Variants in GRIN2B observed in about 807,000 individuals in gnomAD.
GRIN2B encodes glutamate ionotropic receptor NMDA type subunit 2B.
In GRIN2B, 5 loss-of-function variants were observed where a neutral mutation model predicts 114.5. The ratio of observed to expected loss-of-function variants is 0.04; its 90% CI spans 0.02 to 0.09. The LOEUF (loss-of-function observed/expected upper bound fraction) is 0.09. Among genes scored for constraint, GRIN2B ranks in the 10% least tolerant of loss-of-function variants. The pLI is 1.00. For synonymous variants in GRIN2B, 787 were observed against 745.1 expected, an observed-to-expected ratio of 1.06 and a Z score of -0.92; for missense variants, 1,108 against 1,943.5, an observed-to-expected ratio of 0.57 and a Z score of 8.08.
At chr12:13,707,931 C>T (rs1483356418) in intron 4 of GRIN2B, among the ~76,000 whole-genome samples, 4 of 152,020 alleles carry the variant, frequency 2.6e-5, no homozygotes, top group Non-Finnish European at 4.4e-5. Context: ...AGGTCTCCCA[C>T]AGAGCTCTTG....
In GRIN2B at chr12:13,866,069, T is replaced by C. The variant is rs199526748; in HGVS notation, c.140A>G (p.Glu47Gly). Residue 47 changes from glutamate (E) to glycine (G), a missense_variant, in exon 3 of 14, where the codon GAG becomes GGG. Physicochemically the swap from Glu to Gly is moderately conservative, Grantham distance 98 (BLOSUM62 -2). Transcript: ENST00000609686. ...CTCGTGGGCATCCTTGATGGCCACC[T>C]CGTCGGAAGTGCCCACGAGGATGAC... ...IAVILVGTSD[E>G]VAIKDAHEKD... 121 of 1,613,960 alleles carry C rather than the reference T, an allele frequency of 7.5e-5. No homozygotes were observed. The highest frequency in any genetic ancestry group is 1.0e-4 in the Non-Finnish European group (121 of 1,180,000).
chr12:13,618,354 T>A (rs1488188874), intron 5 of GRIN2B, among the ~76,000 whole-genome samples: 1 of 152,208 alleles, frequency 6.6e-6, no homozygotes. Context: ...TTCAATAATG[T>A]GTAAAAAGTT....
intron 5 of GRIN2B, among the ~76,000 whole-genome samples, chr12:13,619,499 T>C (rs1368969055): frequency 2.0e-5 from 3 of 152,310 alleles, no homozygotes; most frequent in Middle Eastern, 3.4e-3. Flanking sequence ...ATCATTCTCA[T>C]TTCCCCAACA....
At position 13,633,354 on chromosome 12, in the gene GRIN2B, G is replaced by C. The variant is rs113530023; in HGVS notation, c.1126-16697C>G. ...CTGGTTTTAACAAAGCCTCACGCAT[G>C]CTAATGTTTGAGAACTGCTGGTTTA... On this transcript the variant is annotated intron_variant, in intron 5 of 13. Coordinates refer to ENST00000609686, the MANE Select transcript of GRIN2B (RefSeq NM_000834.5). Among the ~76,000 whole-genome samples, 893 of 152,308 alleles carry C rather than the reference G, an allele frequency of 5.9e-3. 8 individuals are homozygous for C. Among genetic ancestry groups the C allele is most frequent in the African/African-American group, 0.02 (849 of 41,564 alleles).
At chr12:13,658,148 G>T (rs558392344) in intron 5 of GRIN2B, among the ~76,000 whole-genome samples, 8 of 151,580 alleles carry the variant, frequency 5.3e-5, no homozygotes, top group Non-Finnish European at 1.2e-4. Context: ...CTGAGGTTGC[G>T]GTGAGCCGAG....
intron 4 of GRIN2B, among the ~76,000 whole-genome samples, chr12:13,739,543 G>A (rs1202845597): frequency 1.3e-5 from 2 of 152,080 alleles, no homozygotes; most frequent in Non-Finnish European, 2.9e-5. Flanking sequence ...TTGGGGTAAT[G>A]CTGGTCTCTC....
intron 10 of GRIN2B, among the ~76,000 whole-genome samples, chr12:13,575,893 A>C (rs926613197): frequency 3.3e-5 from 5 of 152,166 alleles, no homozygotes; most frequent in Admixed American, 1.3e-4. Context: ...TAAAAAAAAT[A>C]CTTAATACCT....
chr12:13,814,284 C>T (rs893205339), intron 3 of GRIN2B, among the ~76,000 whole-genome samples: 7 of 152,260 alleles, frequency 4.6e-5, no homozygotes, highest in Admixed American at 1.3e-4. Context: ...AGAGGGACCA[C>T]GAAGAGAGCG....
intron 4 of GRIN2B, among the ~76,000 whole-genome samples, chr12:13,684,759 A>G (rs1395249085): frequency 6.6e-6 from 1 of 152,208 alleles, no homozygotes; most frequent in Non-Finnish European, 1.5e-5. Flanking sequence ...AATGCAGCCC[A>G]GAGTAGGTAG....
chr12:13,787,332 G>A (rs1197572085), intron 3 of GRIN2B, among the ~76,000 whole-genome samples: 3 of 152,196 alleles, frequency 2.0e-5, no homozygotes, highest in South Asian at 2.1e-4. Context: ...TATAGTCTAG[G>A]AGACAGAAAG....
chr12:13,621,607 G>GTTTTTTTTT (rs759603737), intron 5 of GRIN2B, among the ~76,000 whole-genome samples: 3 of 27,688 alleles, frequency 1.1e-4, no homozygotes, highest in African/African-American at 4.1e-4. Flanking sequence ...AAATTGCCTA[G>GTTTTTTTTT]TTTTTGTTTT....
At chr12:13,891,243 G>A (rs1253504957) in intron 2 of GRIN2B, among the ~76,000 whole-genome samples, 2 of 152,132 alleles carry the variant, frequency 1.3e-5, no homozygotes, top group African/African-American at 2.4e-5. Flanking sequence ...TTTCTGCCAA[G>A]ACTCTGGCAT....
intron 4 of GRIN2B, among the ~76,000 whole-genome samples, chr12:13,722,464 T>A (rs1455345364): frequency 1.3e-5 from 2 of 152,122 alleles, no homozygotes; most frequent in African/African-American, 4.8e-5. Context: ...GAAGCAGGGA[T>A]TCTTCATCCA....
intron 3 of GRIN2B, among the ~76,000 whole-genome samples, chr12:13,767,997 T>G (rs757965371): frequency 1.3e-5 from 2 of 152,218 alleles, no homozygotes; most frequent in Non-Finnish European, 2.9e-5. Flanking sequence ...TCTCTGTTCC[T>G]TCACAGAAAG....
intron 3 of GRIN2B, among the ~76,000 whole-genome samples, chr12:13,787,458 A>AC (rs1440811566): frequency 6.6e-6 from 1 of 152,072 alleles, no homozygotes; most frequent in Non-Finnish European, 1.5e-5. Context: ...AGGTGACTTA[A>AC]CCCCCAGCGC....
At chr12:13,850,595 C>CT (rs1865544304) in intron 3 of GRIN2B, among the ~76,000 whole-genome samples, 1 of 152,154 alleles carries the variant, frequency 6.6e-6, no homozygotes, top group African/African-American at 2.4e-5. Context: ...TCATCCCACT[C>CT]TTGTCTCTCC....
At chr12:13,607,377 T>TATATAATATATAATATATAAA (rs1555110466) in intron 10 of GRIN2B, among the ~76,000 whole-genome samples, 1 of 26,222 alleles carries the variant, frequency 3.8e-5, no homozygotes, top group Non-Finnish European at 6.8e-5. Context: ...TTATATATTA[T>TATATAATATATAATATATAAA]ATATATAATA....
chr12:13,720,691 T>C (rs1950500147), intron 4 of GRIN2B, among the ~76,000 whole-genome samples: 1 of 151,992 alleles, frequency 6.6e-6, no homozygotes, highest in African/African-American at 2.4e-5. Flanking sequence ...AACACCTTAT[T>C]TATAGGAGGG....
chr12:13,583,796 G>A (rs762499972), intron 10 of GRIN2B, among the ~76,000 whole-genome samples: 3 of 152,042 alleles, frequency 2.0e-5, no homozygotes, highest in Non-Finnish European at 4.4e-5. Flanking sequence ...CACTGACGTT[G>A]GGAGGAATGT....
Sources: gnomAD v4.1 joint callset for allele counts (sites outside exome capture counted in the v4.1 genomes callset) on GRCh38, gnomAD v4.1.1 for gene constraint, MANE v1.5 for transcripts, NCBI Gene and HGNC (gene_info 2026-07-23, HGNC 2026-07-21) for gene names.